Variants in NECAB1 observed in about 807,000 individuals in gnomAD.
NECAB1 encodes the protein N-terminal EF-hand calcium binding protein 1, also known as N-terminal EF-hand calcium-binding protein 1.
In NECAB1, 29 loss-of-function variants were observed where a neutral mutation model predicts 57.5. The observed-to-expected ratio is 0.50, with a 90% CI of 0.38 to 0.69. The LOEUF (loss-of-function observed/expected upper bound fraction) is 0.69. Ranked by LOEUF, NECAB1 falls within the 30% of genes least tolerant of loss-of-function variation. The pLI, the probability that NECAB1 is intolerant of heterozygous loss-of-function variation, is 0.00. For synonymous variants in NECAB1, 142 were observed against 147.7 expected (o/e 0.96, Z 0.28); for missense variants, 372 against 413.8 (o/e 0.90, Z 0.88).
chr8:90,866,047 A>C (rs951546295), intron 3 of NECAB1, among the ~76,000 whole-genome samples: 4 of 152,196 alleles, frequency 2.6e-5, no homozygotes, highest in Non-Finnish European at 4.4e-5. Context: ...AGAACAACTC[A>C]AAAATATTTG....
chr8:90,804,725 TC>T (rs1811819309), intron 2 of NECAB1, among the ~76,000 whole-genome samples: 1 of 152,182 alleles, frequency 6.6e-6, no homozygotes, highest in South Asian at 2.1e-4. Flanking sequence ...TGTCCACTTT[TC>T]CCCCTGCCTT....
rs375358098 is a variant in NECAB1, at chr8:90,921,237, G to A, written c.494+3609G>A. 1.1e-4 allele frequency among the ~76,000 whole-genome samples: 16 copies of A among 152,176 alleles called. No homozygotes were observed. The East Asian group carries it at 1.9e-3, about 18-fold the overall frequency. On this transcript the variant is annotated intron_variant, in intron 6 of 12. Transcript: ENST00000417640. ...TCACCATATTAGCCAGGCTGGACGC[G>A]AACTCCTGACCTCAGGTGATCTACC... is the stretch of plus-strand genomic sequence containing the variant.
In NECAB1 at chr8:90,812,953, G is replaced by GC. The variant is rs1352349697; in HGVS notation, c.124+11239dup. ...CGCCTGTAATCCAGCACTTTGGGAG[G>GC]CGAGGCAGGCGGATCACGAGGTCAG... is the stretch of plus-strand genomic sequence containing the variant. On this transcript the variant is annotated intron_variant, in intron 2 of 12. Coordinates refer to ENST00000417640, the MANE Select transcript of NECAB1 (RefSeq NM_022351.5). 4 of 152,286 alleles carry GC rather than the reference G, an allele frequency of 2.6e-5. No individual in the cohort carries two copies. In the South Asian group the frequency reaches 6.2e-4, roughly 24 times the overall value. The allele number at this position is 152,286 out of a possible 1,614,324, so 9.4% of individuals were successfully genotyped here.
At position 90,822,192 on chromosome 8, in the gene NECAB1, G is replaced by A. The variant is rs145676106; in HGVS notation, c.125-2525G>A. ...GTATAAATCAAAGGTTAACTCTGTT[G>A]TTCCATTTCAAAAGAAAATATCAAC... On this transcript the variant is annotated intron_variant, in intron 2 of 12. Transcript: ENST00000417640. 3.9e-3 allele frequency among the ~76,000 whole-genome samples: 587 copies of A among 151,928 alleles called. 5 individuals are homozygous for A. Among genetic ancestry groups the A allele is most frequent in the African/African-American group, 0.014 (561 of 41,502 alleles).
intron 6 of NECAB1, among the ~76,000 whole-genome samples, chr8:90,922,510 T>TTTTTTTA (rs1810145352): frequency 1.7e-5 from 2 of 119,498 alleles, no homozygotes; most frequent in African/African-American, 2.7e-5. Flanking sequence ...TTTTTTTTTT[T>TTTTTTTA]GAGATGGAGT....
intron 4 of NECAB1, among the ~76,000 whole-genome samples, chr8:90,875,025 G>A (rs916473022): frequency 6.6e-6 from 1 of 151,862 alleles, no homozygotes; most frequent in Non-Finnish European, 1.5e-5. Context: ...TTGAACTCTG[G>A]CATTAAAGCT....
chr8:90,792,134 T>C (rs1401282227), intron 1 of NECAB1, 149 bp downstream of exon 1: 1 of 664,074 alleles, frequency 1.5e-6, no homozygotes, highest in South Asian at 1.9e-5. Context: ...GAGGAACGAC[T>C]GTCCCTTAAC....
intron 1 of NECAB1, among the ~76,000 whole-genome samples, chr8:90,792,894 G>T (rs965392920): frequency 6.6e-6 from 1 of 152,036 alleles, no homozygotes; most frequent in Admixed American, 6.5e-5. Context: ...CCGGGCTCCA[G>T]GCTCTCCCAG....
At chr8:90,936,166 G>A (rs1207862626) in intron 9 of NECAB1, among the ~76,000 whole-genome samples, 1 of 152,060 alleles carries the variant, frequency 6.6e-6, no homozygotes, top group African/African-American at 2.4e-5. Context: ...GTGCTCTAGT[G>A]CTCATAATTC....
At chr8:90,934,501 T>C in intron 9 of NECAB1, 144 bp downstream of exon 9, 1 of 608,550 alleles carries the variant, frequency 1.6e-6, no homozygotes, top group Non-Finnish European at 2.7e-6. Context: ...GTGTTGTTTC[T>C]ACATTGTGAT....
rs143079810 is a variant in NECAB1, at chr8:90,948,751, T to G, written c.861-1056T>G. ...GTTTCAAAATTAATTTGGGTCTTCATCATTTCTCACCTATGCTATTTCACT... is the reference window on the plus strand; with the variant it reads ...GTTTCAAAATTAATTTGGGTCTTCAGCATTTCTCACCTATGCTATTTCACT... On this transcript the variant is annotated intron_variant, in intron 10 of 12. Coordinates refer to ENST00000417640, the MANE Select transcript of NECAB1 (RefSeq NM_022351.5). Among the ~76,000 whole-genome samples, 49 of 152,344 alleles carry G rather than the reference T, an allele frequency of 3.2e-4. 1 individual carries two copies. Among genetic ancestry groups the G allele is most frequent in the African/African-American group, 1.2e-3 (48 of 41,586 alleles).
chr8:90,842,507 T>A lies in NECAB1; in HGVS notation c.233+17682T>A, dbSNP rs1031675994. On this transcript the variant is annotated intron_variant, in intron 3 of 12. Transcript: ENST00000417640. ...CAGCAGGCTTTCAAGGACCTGGCTG[T>A]GTGGGTGGGCTTATTGGTTGCTGTG... Among the ~76,000 whole-genome samples, 33 of 152,226 alleles carry A rather than the reference T, an allele frequency of 2.2e-4. No homozygotes were observed. The Middle Eastern group carries it at 0.01, about 47-fold the overall frequency.
At chr8:90,856,324 TA>T (rs1342355736) in intron 3 of NECAB1, among the ~76,000 whole-genome samples, 2 of 151,978 alleles carry the variant, frequency 1.3e-5, no homozygotes, top group South Asian at 2.1e-4. Flanking sequence ...TTTCTTTTTT[TA>T]AAAAAAAGTG....
At chr8:90,859,391 T>C (rs1234046933) in intron 3 of NECAB1, among the ~76,000 whole-genome samples, 1 of 152,154 alleles carries the variant, frequency 6.6e-6, no homozygotes, top group Non-Finnish European at 1.5e-5. Flanking sequence ...AGCCAGGAGA[T>C]GGGAGATAAG....
chr8:90,924,609 A>G (rs949645937), intron 6 of NECAB1, among the ~76,000 whole-genome samples: 1 of 152,224 alleles, frequency 6.6e-6, no homozygotes, highest in Non-Finnish European at 1.5e-5. Context: ...TCTTTTTCAC[A>G]TATTAAGTGC....
At chr8:90,824,429 A>G (rs1812192313) in intron 2 of NECAB1, among the ~76,000 whole-genome samples, 1 of 151,876 alleles carries the variant, frequency 6.6e-6, no homozygotes, top group Admixed American at 6.6e-5. Flanking sequence ...TCTTTCTTGT[A>G]TGGCCTGTTA....
intron 8 of NECAB1, among the ~76,000 whole-genome samples, chr8:90,929,837 G>GAGCAAGGTGATGGCATC (rs1479590320): frequency 1.3e-5 from 2 of 152,210 alleles, no homozygotes; most frequent in Non-Finnish European, 2.9e-5. Flanking sequence ...GTGATGGCAT[G>GAGCAAGGTGATGGCATC]AGCAAGGTGA....
intron 2 of NECAB1, among the ~76,000 whole-genome samples, chr8:90,805,497 G>T (rs944559129): frequency 5.5e-5 from 8 of 146,384 alleles, no homozygotes; most frequent in African/African-American, 2.1e-4. Flanking sequence ...ATCTTGGAGA[G>T]ATTTTTTTGG....
intron 3 of NECAB1, among the ~76,000 whole-genome samples, chr8:90,868,555 C>T (rs1352145497): frequency 1.3e-5 from 2 of 152,158 alleles, no homozygotes; most frequent in East Asian, 3.9e-4. Flanking sequence ...CAGCATTGTG[C>T]CCCTGTTCTA....
Sources: allele counts gnomAD v4.1 joint callset (sites outside exome capture counted in the v4.1 genomes callset), GRCh38; gene constraint gnomAD v4.1.1; transcripts MANE v1.5; gene names NCBI Gene and HGNC (gene_info 2026-07-23, HGNC 2026-07-21).